Variants in SGMS2 observed in about 807,000 individuals in gnomAD.
SGMS2 encodes sphingomyelin synthase 2.
In SGMS2, 21 loss-of-function variants were observed where a neutral mutation model predicts 43.8. The ratio of observed to expected loss-of-function variants is 0.48; its 90% CI spans 0.34 to 0.69. The LOEUF (loss-of-function observed/expected upper bound fraction) is 0.69. SGMS2 is among the 30% of genes least tolerant of loss of function. SGMS2 has a pLI of 0.01. For synonymous variants in SGMS2, 167 were observed against 160.6 expected, an observed-to-expected ratio of 1.04 and a Z score of -0.30; for missense variants, 384 against 443.2, an observed-to-expected ratio of 0.87 and a Z score of 1.20.
At chr4:107,893,120 C>T (rs1730368877) in intron 2 of SGMS2, 3 of 152,106 alleles carry the variant, frequency 2.0e-5, no homozygotes, top group Non-Finnish European at 4.4e-5. Flanking sequence ...TTATTTCAGT[C>T]ATTCTCATAG....
chr4:107,831,217 G>A (rs868527326), intron 1 of SGMS2, among the ~76,000 whole-genome samples: 1 of 152,278 alleles, frequency 6.6e-6, no homozygotes, highest in Middle Eastern at 3.4e-3. Flanking sequence ...GTCTCCACTA[G>A]CTTCAGCGAT....
chr4:107,866,341 G>A (rs1360871059), intron 2 of SGMS2, among the ~76,000 whole-genome samples: 4 of 152,112 alleles, frequency 2.6e-5, no homozygotes, highest in Non-Finnish European at 4.4e-5. Context: ...CGAGGTAGGT[G>A]GATCACCTGA....
At chr4:107,831,938 C>T (rs758026564) in intron 1 of SGMS2, among the ~76,000 whole-genome samples, 3 of 152,172 alleles carry the variant, frequency 2.0e-5, no homozygotes, top group African/African-American at 7.2e-5. Context: ...CTGTCCCTCA[C>T]AGAGCTTAGG....
At chr4:107,890,382 T>A (rs1730103422) in intron 2 of SGMS2, among the ~76,000 whole-genome samples, 1 of 151,954 alleles carries the variant, frequency 6.6e-6, no homozygotes, top group Non-Finnish European at 1.5e-5. Context: ...AGAAAAAATT[T>A]AAAAAACGGG....
chr4:107,902,894 T>G (rs1449958760), intron 4 of SGMS2, among the ~76,000 whole-genome samples: 4 of 152,124 alleles, frequency 2.6e-5, no homozygotes, highest in Admixed American at 6.5e-5. Flanking sequence ...AAACCCTCAC[T>G]TCCCCCTGCA....
At chr4:107,866,564 C>T (rs1728138858) in intron 2 of SGMS2, among the ~76,000 whole-genome samples, 3 of 149,820 alleles carry the variant, frequency 2.0e-5, no homozygotes, top group East Asian at 3.9e-4. Context: ...GAAGCTCTGT[C>T]TCAAAAAAAA....
chr4:107,875,440 G>A (rs1200978200), intron 2 of SGMS2, among the ~76,000 whole-genome samples: 2 of 152,126 alleles, frequency 1.3e-5, no homozygotes, highest in Non-Finnish European at 2.9e-5. Flanking sequence ...TTACTTATAA[G>A]TGGAAGCTAA....
Position 107,903,288 on chromosome 4 carries a change from G to A in SGMS2, c.629G>A (p.Gly210Asp). The A allele has an allele frequency of 3.7e-6, 6 of 1,614,032 alleles. No individual in the cohort carries two copies. Among genetic ancestry groups the A allele is most frequent in the Non-Finnish European group, 5.1e-6 (6 of 1,179,950 alleles). The change falls in exon 5 of 7, where the codon GGT becomes GAT. Residue 210 changes from glycine to aspartate, a missense_variant. Gly to Asp is a moderately conservative substitution (Grantham distance 94, BLOSUM62 -1). Coordinates refer to ENST00000690982, the MANE Select transcript of SGMS2 (RefSeq NM_001375905.1). ...VQRILRLISG[G>D]GLSITGSHIL... ...CGGATTCTACGATTGATTTCTGGTG[G>A]TGGATTGTCCATAACTGGATCACAT...
chr4:107,826,637 A>G (rs1324901969), intron 1 of SGMS2, among the ~76,000 whole-genome samples: 1 of 151,460 alleles, frequency 6.6e-6, no homozygotes, highest in Admixed American at 6.6e-5. Context: ...TTACTTCACA[A>G]TAGTCTGGTT....
At chr4:107,876,822 TTTGA>T (rs1176823413) in intron 2 of SGMS2, among the ~76,000 whole-genome samples, 2 of 152,242 alleles carry the variant, frequency 1.3e-5, no homozygotes, top group Non-Finnish European at 2.9e-5. Context: ...TACTGTTGAC[TTTGA>T]TTATGATCTA....
chr4:107,837,479 A>G (rs529792025), intron 1 of SGMS2, among the ~76,000 whole-genome samples: 3 of 152,280 alleles, frequency 2.0e-5, no homozygotes, highest in African/African-American at 7.2e-5. Context: ...AAGAAGGCCA[A>G]TCTGCTGCAG....
chr4:107,875,045 A>C (rs745499078), intron 2 of SGMS2, among the ~76,000 whole-genome samples: 13 of 152,200 alleles, frequency 8.5e-5, no homozygotes, highest in Non-Finnish European at 1.8e-4. Context: ...GTTCTAGGAG[A>C]ACCTACAGCC....
chr4:107,845,383 G>C (rs1163358260), intron 1 of SGMS2, among the ~76,000 whole-genome samples: 1 of 152,200 alleles, frequency 6.6e-6, no homozygotes, highest in African/African-American at 2.4e-5. Flanking sequence ...AGTGAAAACA[G>C]GGTTACTGAG....
intron 2 of SGMS2, among the ~76,000 whole-genome samples, chr4:107,870,025 C>T (rs967826783): frequency 6.6e-6 from 1 of 151,942 alleles, no homozygotes; most frequent in Non-Finnish European, 1.5e-5. Flanking sequence ...TAGGAATGTC[C>T]ATGATTTTAT....
chr4:107,862,597 C>T (rs1727804498), intron 2 of SGMS2, among the ~76,000 whole-genome samples: 1 of 152,056 alleles, frequency 6.6e-6, no homozygotes, highest in Non-Finnish European at 1.5e-5. Flanking sequence ...TACAAAGGAC[C>T]TGTTTATTCT....
At chr4:107,891,275 A>C (rs1730195530) in intron 2 of SGMS2, among the ~76,000 whole-genome samples, 1 of 151,516 alleles carries the variant, frequency 6.6e-6, no homozygotes, top group South Asian at 2.1e-4. Context: ...CCAATGGGAA[A>C]AAGACTGAAA....
intron 1 of SGMS2, among the ~76,000 whole-genome samples, chr4:107,853,324 A>C (rs1727256093): frequency 3.9e-5 from 6 of 152,222 alleles, no homozygotes; most frequent in Admixed American, 3.9e-4. Flanking sequence ...AGAAGTACAG[A>C]GTTGCCTTTC....
In SGMS2 at chr4:107,901,898, CCTT is replaced by C. The variant is rs954010225; in HGVS notation, c.574-1325_574-1323del. 1.6e-4 allele frequency among the ~76,000 whole-genome samples: 24 copies of C among 151,886 alleles called. 1 individual carries two copies. Among genetic ancestry groups the C allele is most frequent in the Non-Finnish European group, 2.1e-4 (14 of 67,922 alleles). ...GCCATAGGTGGCCAAACACTTACCT[CCTT>C]CTTCTTCTTTTTTTTTTTTTTCTGA... On this transcript the variant is annotated intron_variant, in intron 4 of 6. Transcript: ENST00000690982.
chr4:107,841,602 C>T (rs1303424463), intron 1 of SGMS2, among the ~76,000 whole-genome samples: 3 of 151,992 alleles, frequency 2.0e-5, no homozygotes, highest in Admixed American at 6.6e-5. Flanking sequence ...ATAGATGCTA[C>T]TTATCATGGT....
Sources: gnomAD v4.1 joint callset for allele counts (sites outside exome capture counted in the v4.1 genomes callset) on GRCh38, gnomAD v4.1.1 for gene constraint, MANE v1.5 for transcripts, NCBI Gene and HGNC (gene_info 2026-07-23, HGNC 2026-07-21) for gene names.